Variants in HS6ST2 observed in about 807,000 individuals in gnomAD.
HS6ST2 encodes the protein heparan-sulfate 6-O-sulfotransferase 2.
In HS6ST2, 17 loss-of-function variants were observed where a neutral mutation model predicts 33.0. The ratio of observed to expected loss-of-function variants is 0.52; its 90% confidence interval spans 0.35 to 0.77. The LOEUF is 0.77. Ranked by LOEUF, HS6ST2 falls within the 30% of genes least tolerant of loss-of-function variation. The pLI, the probability that HS6ST2 is intolerant of heterozygous loss-of-function variation, is 0.01. For missense variants in HS6ST2, 519 were observed against 551.7 expected, an observed-to-expected ratio of 0.94 and a Z score of 0.59; for synonymous variants, 248 against 237.1, an observed-to-expected ratio of 1.05 and a Z score of -0.42.
At chrX:132,778,486 G>A (rs895972749) in intron 2 of HS6ST2, among the ~76,000 whole-genome samples, 6 of 110,745 alleles carry the variant, frequency 5.4e-5, no homozygotes, top group Non-Finnish European at 7.6e-5. Context: ...TGCAACTTCC[G>A]CCTCCCAGGT....
At position 132,719,623 on chromosome X, in the gene HS6ST2, T is replaced by C. The variant is rs1245859255; in HGVS notation, c.948-11129A>G. Reference sequence around the variant, plus strand: ...TCCAAAGCCTATGTGCTTTTCACACTAGCAATGTTTTGGCCCCTTCGTTTC... The same window carrying C: ...TCCAAAGCCTATGTGCTTTTCACACCAGCAATGTTTTGGCCCCTTCGTTTC... On this transcript the variant is annotated intron_variant, in intron 2 of 4. Coordinates refer to ENST00000370833, the MANE Select transcript of HS6ST2 (RefSeq NM_001394073.1). Among the ~76,000 whole-genome samples, 7 of 112,023 alleles carry C rather than the reference T, an allele frequency of 6.2e-5. No individual in the cohort carries two copies. In the Admixed American group the frequency reaches 6.6e-4, roughly 11 times the overall value.
intron 2 of HS6ST2, among the ~76,000 whole-genome samples, chrX:132,949,488 G>C (rs1188048068): frequency 9.1e-6 from 1 of 110,431 alleles, no homozygotes; most frequent in Non-Finnish European, 1.9e-5. Flanking sequence ...ATAAAAGTCA[G>C]TTATCGAAAA....
chrX:132,810,566 C>A (rs1438296265), intron 2 of HS6ST2, among the ~76,000 whole-genome samples: 1 of 111,215 alleles, frequency 9.0e-6, no homozygotes, highest in Non-Finnish European at 1.9e-5. Flanking sequence ...ACCCAGTGAC[C>A]TCTCTACATC....
At chrX:132,888,102 TATAA>T (rs1230543605) in intron 2 of HS6ST2, among the ~76,000 whole-genome samples, 1 of 112,193 alleles carries the variant, frequency 8.9e-6, no homozygotes, top group African/African-American at 3.2e-5. Flanking sequence ...TGCACAACTG[TATAA>T]ATATTCTAAA....
intron 3 of HS6ST2, among the ~76,000 whole-genome samples, chrX:132,685,735 C>T (rs767861769): frequency 9.0e-6 from 1 of 111,530 alleles, no homozygotes; most frequent in African/African-American, 3.3e-5. Flanking sequence ...TCATCATTAC[C>T]TTCTCAGGAC....
chrX:132,747,231 T>C (rs1269922980), intron 2 of HS6ST2, among the ~76,000 whole-genome samples: 1 of 111,907 alleles, frequency 8.9e-6, no homozygotes, highest in East Asian at 2.8e-4. Context: ...CTCAGTATGA[T>C]GGTTTGAGGA....
At chrX:132,898,724 T>C (rs1410115148) in intron 2 of HS6ST2, among the ~76,000 whole-genome samples, 7 of 110,218 alleles carry the variant, frequency 6.4e-5, no homozygotes, top group Non-Finnish European at 1.1e-4. Flanking sequence ...ATTTCCTGCA[T>C]TGAGAAGACA....
At chrX:132,946,322 C>T (rs767920743) in intron 2 of HS6ST2, among the ~76,000 whole-genome samples, 1 of 112,027 alleles carries the variant, frequency 8.9e-6, no homozygotes. Flanking sequence ...CACATGCACA[C>T]ATTTATTGTG....
intron 4 of HS6ST2, among the ~76,000 whole-genome samples, chrX:132,639,416 G>A (rs1441652846): frequency 9.0e-6 from 1 of 111,670 alleles, no homozygotes; most frequent in Non-Finnish European, 1.9e-5. Flanking sequence ...TATTTTGTGA[G>A]TCTTGGTTCA....
At chrX:132,836,016 C>T (rs921411432) in intron 2 of HS6ST2, among the ~76,000 whole-genome samples, 13 of 111,682 alleles carry the variant, frequency 1.2e-4, no homozygotes, top group Non-Finnish European at 1.9e-4. Flanking sequence ...AGTACCCTTT[C>T]GAATTCTTGA....
chrX:132,729,346 G>T (rs764786188), intron 2 of HS6ST2, among the ~76,000 whole-genome samples: 1 of 111,939 alleles, frequency 8.9e-6, no homozygotes, highest in Admixed American at 9.5e-5. Context: ...GAAGGGGGAG[G>T]GAGTGAGAGA....
Position 132,894,136 on chromosome X carries a change from T to G in HS6ST2, c.947+62672A>C, listed in dbSNP as rs1310654236. On this transcript the variant is annotated intron_variant, in intron 2 of 4. Coordinates refer to ENST00000370833, the MANE Select transcript of HS6ST2 (RefSeq NM_001394073.1). ...GATGGGTTTCAGGTTTTTTTTTTTT[T>G]TGTGGGGGGGGAGGTGGGGAGAGAG... is the stretch of plus-strand genomic sequence containing the variant. Among the ~76,000 whole-genome samples the G allele has an allele frequency of 6.6e-4, 71 of 107,300 alleles. 1 individual carries two copies. The highest frequency in any genetic ancestry group is 2.9e-3 in the Admixed American group (29 of 9,998). The allele number at this position is 107,300 out of a possible 115,157, so 93.2% of individuals were successfully genotyped here. A position where few individuals can be genotyped will look rare whatever the true frequency, so the allele number is the denominator to read the frequency against.
intron 2 of HS6ST2, among the ~76,000 whole-genome samples, chrX:132,954,169 G>C (rs1187383298): frequency 2.7e-5 from 3 of 111,974 alleles, no homozygotes; most frequent in Admixed American, 9.5e-5. Context: ...AAACTGGAGT[G>C]CACTCTCTAC....
chrX:132,960,472 C>T (rs1334609733), upstream of HS6ST2, among the ~76,000 whole-genome samples: 1 of 111,077 alleles, frequency 9.0e-6, no homozygotes, highest in African/African-American at 3.3e-5. Context: ...AAGCCCTCAG[C>T]AGCTAAACTA....
At chrX:132,672,315 G>C (rs1304065586) in intron 3 of HS6ST2, among the ~76,000 whole-genome samples, 1 of 104,713 alleles carries the variant, frequency 9.5e-6, no homozygotes, top group Non-Finnish European at 1.9e-5. Context: ...GTGGGGGGGG[G>C]TGGGTGCTCC....
At chrX:132,926,539 G>T (rs927673766) in intron 2 of HS6ST2, among the ~76,000 whole-genome samples, 1 of 112,533 alleles carries the variant, frequency 8.9e-6, no homozygotes, top group Non-Finnish European at 1.9e-5. Context: ...CAACTAGCGA[G>T]GAAAACCTGT....
intron 2 of HS6ST2, among the ~76,000 whole-genome samples, chrX:132,907,781 G>T (rs186573124): frequency 2.6e-4 from 29 of 112,290 alleles, no homozygotes; most frequent in Non-Finnish European, 1.7e-4. Flanking sequence ...ACTTGAAATC[G>T]ATCGGAGACA....
At chrX:132,629,162 G>A in intron 4 of HS6ST2, 69 bp from the exon 5 acceptor site, 2 of 1,071,836 alleles carry the variant, frequency 1.9e-6, no homozygotes, top group Non-Finnish European at 2.5e-6. Flanking sequence ...GGAGGTACAT[G>A]GCATATGTGG....
At chrX:132,755,045 C>T (rs762106641) in intron 2 of HS6ST2, among the ~76,000 whole-genome samples, 1 of 111,508 alleles carries the variant, frequency 9.0e-6, no homozygotes, top group Non-Finnish European at 1.9e-5. Context: ...AGTCACTATT[C>T]GCAGTTCATA....
Sources: allele counts gnomAD v4.1 joint callset (sites outside exome capture counted in the v4.1 genomes callset), GRCh38; gene constraint gnomAD v4.1.1; transcripts MANE v1.5; gene names NCBI Gene and HGNC (gene_info 2026-07-23, HGNC 2026-07-21).